SMYD3: variants seen among roughly 807,000 people sequenced by gnomAD.
SMYD3 encodes the protein SET and MYND domain containing 3.
In SMYD3, 36 loss-of-function variants were observed where a neutral mutation model predicts 57.7. That is an observed-to-expected ratio of 0.62 (90% CI 0.48 to 0.82). The LOEUF (loss-of-function observed/expected upper bound fraction) is 0.82, where lower values mean the gene tolerates loss of function less well. SMYD3 is among the 40% of genes least tolerant of loss of function. The probability of loss-of-function intolerance (pLI) is 0.00; values close to 1 mark genes in which losing one functional copy is unlikely to be tolerated. For synonymous variants in SMYD3, 211 were observed against 195.0 expected, an observed-to-expected ratio of 1.08 and a Z score of -0.68; for missense variants, 515 against 538.8, an observed-to-expected ratio of 0.96 and a Z score of 0.44.
At chr1:245,922,462 A>T (rs923080368) in intron 7 of SMYD3, among the ~76,000 whole-genome samples, 1 of 152,224 alleles carries the variant, frequency 6.6e-6, no homozygotes, top group African/African-American at 2.4e-5. Flanking sequence ...CAGTTGTAGC[A>T]ATCTTTCTTG....
chr1:246,096,173 A>C (rs959277263), intron 5 of SMYD3: 1 of 152,254 alleles, frequency 6.6e-6, no homozygotes, highest in African/African-American at 2.4e-5. Flanking sequence ...TTTAATAAAC[A>C]AGAAAAAAAT....
chr1:246,477,509 T>C (rs1458272307), intron 1 of SMYD3, among the ~76,000 whole-genome samples: 3 of 152,246 alleles, frequency 2.0e-5, no homozygotes, highest in African/African-American at 7.2e-5. Context: ...GCTTTGCAAT[T>C]AGGCAGACCT....
rs58642969 is a variant in SMYD3, at chr1:246,461,007, A to T, written c.164+46047T>A. On this transcript the variant is annotated intron_variant, in intron 1 of 11. Coordinates refer to ENST00000490107, the MANE Select transcript of SMYD3 (RefSeq NM_001167740.2). ...TACAAGCCATGACAAGTTAGCCTGA[A>T]GAAAAGACCATGAGGCAGAAGACAG... is the stretch of plus-strand genomic sequence containing the variant. Among the ~76,000 whole-genome samples, 326 of 152,352 alleles carry T rather than the reference A, an allele frequency of 2.1e-3. 2 individuals carry two copies. Among genetic ancestry groups the T allele is most frequent in the African/African-American group, 7.5e-3 (312 of 41,582 alleles).
chr1:246,305,559 A>G (rs1257231610), intron 5 of SMYD3, among the ~76,000 whole-genome samples: 2 of 152,226 alleles, frequency 1.3e-5, no homozygotes, highest in African/African-American at 4.8e-5. Flanking sequence ...ATAACGTGAC[A>G]CCATGTCAAA....
At chr1:246,423,137 A>G (rs2067167249) in intron 1 of SMYD3, among the ~76,000 whole-genome samples, 2 of 152,040 alleles carry the variant, frequency 1.3e-5, no homozygotes, top group East Asian at 3.9e-4. Context: ...TCTCTTCTAA[A>G]AATACAAAAA....
At position 246,283,602 on chromosome 1, in the gene SMYD3, G is replaced by T. The variant is rs150641598; in HGVS notation, c.531+43599C>A. The stretch of plus-strand genomic sequence containing the variant: ...GTATGTTTAATTACAGTAACTAGAG[G>T]TCTCAAAATAACTCATATGGTTCTA... On this transcript the variant is annotated intron_variant, in intron 5 of 11. Coordinates refer to ENST00000490107, the MANE Select transcript of SMYD3 (RefSeq NM_001167740.2). 1.9e-3 allele frequency among the ~76,000 whole-genome samples: 296 copies of T among 152,254 alleles called. 2 individuals are homozygous for T. The highest frequency in any genetic ancestry group is 6.8e-3 in the African/African-American group (282 of 41,540).
chr1:246,372,302 C>T (rs2066206452), intron 1 of SMYD3, among the ~76,000 whole-genome samples: 1 of 152,152 alleles, frequency 6.6e-6, no homozygotes, highest in Non-Finnish European at 1.5e-5. Context: ...CTCTCCATGG[C>T]CCTAAAATAC....
intron 10 of SMYD3, among the ~76,000 whole-genome samples, chr1:245,815,526 C>G (rs933037948): frequency 6.6e-6 from 1 of 152,238 alleles, no homozygotes; most frequent in Non-Finnish European, 1.5e-5. Context: ...GCCTAGCCCC[C>G]AAGTGACTCT....
intron 10 of SMYD3, among the ~76,000 whole-genome samples, chr1:245,775,516 G>T (rs2817490): frequency 0.42 from 61,654 of 148,290 alleles, 16,809 homozygotes; most frequent in East Asian, 0.88. Context: ...GAAGGCAGCA[G>T]GCTCGTTAAG....
chr1:246,400,861 C>A (rs548157049), intron 1 of SMYD3, among the ~76,000 whole-genome samples: 2 of 151,936 alleles, frequency 1.3e-5, no homozygotes, highest in South Asian at 4.2e-4. Context: ...ATACAGTATA[C>A]AAATATGTTT....
At chr1:245,882,610 T>C (rs965959037) in intron 8 of SMYD3, among the ~76,000 whole-genome samples, 3 of 152,092 alleles carry the variant, frequency 2.0e-5, no homozygotes, top group African/African-American at 7.2e-5. Context: ...AATAAATAAA[T>C]AAATGCACTA....
rs183612000 is a variant in SMYD3 at position 246,115,602 on chromosome 1, C to A, written c.532-185665G>T. Reference sequence around the variant, plus strand: ...TCGCAGCTTCAAGAGGACAAATACACGTGCAGGGAAAAAGCAGCATGGTTT... The same window carrying A: ...TCGCAGCTTCAAGAGGACAAATACAAGTGCAGGGAAAAAGCAGCATGGTTT... On this transcript the variant is annotated intron_variant, in intron 5 of 11. Coordinates refer to ENST00000490107, the MANE Select transcript of SMYD3 (RefSeq NM_001167740.2). 1.2e-3 allele frequency among the ~76,000 whole-genome samples: 185 copies of A among 152,322 alleles called. 1 individual carries two copies. The highest frequency in any genetic ancestry group is 4.3e-3 in the African/African-American group (179 of 41,570).
chr1:245,870,915 T>G (rs1047052627), intron 8 of SMYD3, among the ~76,000 whole-genome samples: 1 of 152,172 alleles, frequency 6.6e-6, no homozygotes, highest in Non-Finnish European at 1.5e-5. Context: ...CGTTTGATGT[T>G]GAAACTCGTA....
chr1:245,999,334 C>G (rs1009371178), intron 5 of SMYD3, among the ~76,000 whole-genome samples: 3 of 152,158 alleles, frequency 2.0e-5, no homozygotes, highest in Non-Finnish European at 4.4e-5. Flanking sequence ...ATAGTATTTA[C>G]TCTGTGCCAG....
At chr1:246,103,432 C>T (rs937911646) in intron 5 of SMYD3, among the ~76,000 whole-genome samples, 2 of 151,704 alleles carry the variant, frequency 1.3e-5, no homozygotes, top group African/African-American at 4.8e-5. Context: ...TTCAGTTTGT[C>T]CATGTAAAAA....
intron 11 of SMYD3, among the ~76,000 whole-genome samples, chr1:245,759,844 T>C (rs1248162473): frequency 2.0e-5 from 3 of 152,148 alleles, no homozygotes; most frequent in Non-Finnish European, 4.4e-5. Context: ...GAAAAGCAAC[T>C]ACACTAGGGC....
intron 10 of SMYD3, among the ~76,000 whole-genome samples, chr1:245,851,115 C>T (rs2050949540): frequency 1.3e-5 from 2 of 152,276 alleles, no homozygotes; most frequent in Admixed American, 1.3e-4. Context: ...GGGCCTCCTA[C>T]TCTAGCACTC....
At chr1:246,054,149 C>CA (rs761351221) in intron 5 of SMYD3, among the ~76,000 whole-genome samples, 7 of 151,888 alleles carry the variant, frequency 4.6e-5, no homozygotes, top group Non-Finnish European at 8.8e-5. Context: ...ATACAAATGG[C>CA]AAAAAAGCAC....
chr1:246,052,249 G>C (rs982247959), intron 5 of SMYD3, among the ~76,000 whole-genome samples: 1 of 152,156 alleles, frequency 6.6e-6, no homozygotes, highest in South Asian at 2.1e-4. Context: ...ATCCAAGTAG[G>C]TCACATTCTT....
Sources: allele counts gnomAD v4.1 joint callset (sites outside exome capture counted in the v4.1 genomes callset), GRCh38; gene constraint gnomAD v4.1.1; transcripts MANE v1.5; gene names NCBI Gene and HGNC (gene_info 2026-07-23, HGNC 2026-07-21).